CNGB1: variants seen among roughly 807,000 people sequenced by gnomAD.
CNGB1 encodes cyclic nucleotide gated channel subunit beta 1.
A neutral mutation model predicts 151.7 loss-of-function variants in CNGB1; 126 were observed. The observed-to-expected ratio is 0.83, with a 90% CI of 0.72 to 0.96. CNGB1 has a LOEUF of 0.96. CNGB1 is among the 40% of genes least tolerant of loss of function. CNGB1 has a pLI of 0.00. For synonymous variants in CNGB1, 623 were observed against 635.1 expected (o/e 0.98, Z 0.29); for missense variants, 1,698 against 1,627.0 (o/e 1.04, Z -0.75).
chr16:57,900,090 C>T (rs1308628864), intron 29 of CNGB1, among the ~76,000 whole-genome samples: 3 of 152,190 alleles, frequency 2.0e-5, no homozygotes, highest in Non-Finnish European at 4.4e-5. Context: ...CCCTCACAAC[C>T]ACCCCATGAG....
chr16:57,955,238 G>A (rs1221211762), intron 12 of CNGB1: 27 of 1,543,022 alleles, frequency 1.7e-5, no homozygotes, highest in Non-Finnish European at 2.4e-5. Flanking sequence ...ATAGGGTGGG[G>A]TGTCAGTGGC....
chr16:57,887,388 C>T (rs976362925), intron 32 of CNGB1, among the ~76,000 whole-genome samples: 1 of 152,086 alleles, frequency 6.6e-6, no homozygotes, highest in African/African-American at 2.4e-5. Flanking sequence ...AGTGCCCTGG[C>T]CACACCGAAT....
intron 16 of CNGB1, among the ~76,000 whole-genome samples, chr16:57,933,792 G>A (rs111379226): frequency 2.8e-5 from 4 of 144,414 alleles, no homozygotes; most frequent in Non-Finnish European, 3.0e-5. Context: ...GTGTGATCTC[G>A]GCTCACTGCA....
Position 57,964,471 on chromosome 16 carries a change from C to T in CNGB1, c.217+16G>A. 6.2e-7 allele frequency: 1 copy of T among 1,613,882 alleles called. No homozygotes were observed. Among genetic ancestry groups the T allele is most frequent in the Non-Finnish European group, 8.5e-7 (1 of 1,179,986 alleles). On this transcript the variant is annotated intron_variant, in intron 3 of 32. Coordinates refer to ENST00000251102, the MANE Select transcript of CNGB1 (RefSeq NM_001297.5). ...CCCCCTGCCATGCCAGCCTGGGCTTCAGCACTCGCACTCACCCTGAGGGCT... is the reference window on the plus strand; with the variant it reads ...CCCCCTGCCATGCCAGCCTGGGCTTTAGCACTCGCACTCACCCTGAGGGCT...
rs778972744 is a variant in CNGB1 at position 57,901,574 on chromosome 16, G to A, written c.2846C>T (p.Ala949Val). Residue 949 changes from alanine to valine, a missense_variant, in exon 28 of 33, where the codon GCC becomes GTC. By Grantham distance (64) the Ala-to-Val change is moderately conservative. Transcript: ENST00000251102. ...QLPDKMRLDL[A>V]IDVNYNIVSK... The stretch of plus-strand genomic sequence containing the variant: ...AACGATGTTGTAGTTCACGTCGATG[G>A]CGAGGTCCAGCCGCATCTTGTCTGG... The A allele has an allele frequency of 1.7e-5, 27 of 1,613,982 alleles. No individual in the cohort carries two copies. Among genetic ancestry groups the A allele is most frequent in the Non-Finnish European group, 2.2e-5 (26 of 1,180,038 alleles).
At chr16:57,920,246 A>C in intron 19 of CNGB1, 141 bp downstream of exon 19, 1 of 934,614 alleles carries the variant, frequency 1.1e-6, no homozygotes, top group Non-Finnish European at 1.6e-6. Flanking sequence ...TATGGATCCC[A>C]AATCCAGAGA....
chr16:57,940,691 G>T (rs906416513), intron 14 of CNGB1, among the ~76,000 whole-genome samples: 1 of 152,202 alleles, frequency 6.6e-6, no homozygotes, highest in African/African-American at 2.4e-5. Context: ...GGTTGGAGGA[G>T]CTGTCATCTG....
In CNGB1 at chr16:57,884,015, C is replaced by A. The variant is rs890225271; in HGVS notation, c.*149G>T. On this transcript the variant is annotated 3_prime_UTR_variant, in exon 33 of 33. Coordinates refer to ENST00000251102, the MANE Select transcript of CNGB1 (RefSeq NM_001297.5). ...AGTCGGGGCTGGCGTGCTGGCGGGACGGTCAGAGCTGCAGCCACTGAGGTC... is the reference window on the plus strand; with the variant it reads ...AGTCGGGGCTGGCGTGCTGGCGGGAAGGTCAGAGCTGCAGCCACTGAGGTC... 8 of 1,103,266 alleles carry A rather than the reference C, an allele frequency of 7.3e-6. No individual in the cohort carries two copies. The highest frequency in any genetic ancestry group is 9.4e-6 in the Non-Finnish European group (7 of 748,478). 68.3% of individuals were successfully genotyped at this position (1,103,266 alleles called of 1,614,324 possible). A position where few individuals can be genotyped will look rare whatever the true frequency, so the allele number is the denominator to read the frequency against.
chr16:57,930,669 TA>T (rs1273737876), intron 17 of CNGB1, among the ~76,000 whole-genome samples: 2 of 152,152 alleles, frequency 1.3e-5, no homozygotes, highest in African/African-American at 4.8e-5. Context: ...TACTCAGCCT[TA>T]AAAAAGGAAG....
intron 10 of CNGB1, 75 bp from the exon 11 acceptor site, chr16:57,958,560 C>T: frequency 7.4e-7 from 1 of 1,354,246 alleles, no homozygotes; most frequent in Non-Finnish European, 1.1e-6. Flanking sequence ...TCAGCTCGTT[C>T]CCAAGGCAGA....
At position 57,905,009 on chromosome 16, in the gene CNGB1, G is replaced by A; in HGVS notation, c.2493-134C>T. On this transcript the variant is annotated intron_variant, in intron 25 of 32. Transcript: ENST00000251102. ...AACCCTTTACAGCTCATCTATGCAA[G>A]GAAAACCACCTCCTGCACGTGTAGA... is the stretch of plus-strand genomic sequence containing the variant. 3 of 1,121,978 alleles carry A rather than the reference G, an allele frequency of 2.7e-6. 1 individual carries two copies. In the South Asian group the frequency reaches 4.0e-5, roughly 15 times the overall value. The allele number at this position is 1,121,978 out of a possible 1,614,324, so 69.5% of individuals were successfully genotyped here.
intron 16 of CNGB1, among the ~76,000 whole-genome samples, chr16:57,932,680 A>C (rs1255405070): frequency 6.7e-6 from 1 of 150,018 alleles, no homozygotes; most frequent in Non-Finnish European, 1.5e-5. Flanking sequence ...CCCAGGGTTC[A>C]TGCCATTCTC....
Position 57,962,974 on chromosome 16 carries a change from C to T in CNGB1, c.381G>A (p.Gln127=). 1 of 1,613,316 alleles carries T rather than the reference C, an allele frequency of 6.2e-7. No individual in the cohort carries two copies. The highest frequency in any genetic ancestry group is 1.3e-5 in the African/African-American group (1 of 75,050). ...CTTCAGCCTCCAGCCCCAGCAGTAC[C>T]TGAGCCGGGTCCTCCGTGATGCTGT... The part of the protein sequence containing the change: ...PVHSITEDPA[Q]ILGHGSTGDT... Residue 127 remains glutamine, a splice_region_variant and synonymous_variant, in exon 5 of 33, where the codon CAG becomes CAA. Coordinates refer to ENST00000251102, the MANE Select transcript of CNGB1 (RefSeq NM_001297.5).
chr16:57,897,373 T>C, intron 31 of CNGB1, 24 bp downstream of exon 31: 1 of 1,613,972 alleles, frequency 6.2e-7, no homozygotes, highest in Non-Finnish European at 8.5e-7. Context: ...CAATTTTTTA[T>C]TAAACGAAAG....
At chr16:57,958,507 C>T (rs1196818008) in intron 10 of CNGB1, 22 bp from the exon 11 acceptor site, 38 of 1,608,760 alleles carry the variant, frequency 2.4e-5, no homozygotes, top group Non-Finnish European at 3.0e-5. Flanking sequence ...AGAGAGTGTG[C>T]GGTGTCCAGG....
chr16:57,931,269 C>T (rs1023822006), intron 17 of CNGB1, among the ~76,000 whole-genome samples: 1 of 152,032 alleles, frequency 6.6e-6, no homozygotes, highest in Non-Finnish European at 1.5e-5. Context: ...TGTCATGCCT[C>T]AGCCTCCCGA....
At chr16:57,959,754 G>A in intron 10 of CNGB1, 134 bp downstream of exon 10, 1 of 1,137,302 alleles carries the variant, frequency 8.8e-7, no homozygotes, top group Non-Finnish European at 1.2e-6. Flanking sequence ...CGAAGCTGAT[G>A]TGGCTGCCTT....
intron 31 of CNGB1, among the ~76,000 whole-genome samples, chr16:57,895,313 G>A (rs1275376708): frequency 1.3e-5 from 2 of 151,920 alleles, no homozygotes; most frequent in Non-Finnish European, 2.9e-5. Context: ...AGGTGTGGTG[G>A]CACATGCCTG....
chr16:57,940,587 G>T (rs1961644094), intron 14 of CNGB1, among the ~76,000 whole-genome samples: 1 of 152,146 alleles, frequency 6.6e-6, no homozygotes, highest in Admixed American at 6.5e-5. Flanking sequence ...TGTAAGCTGA[G>T]CCTCCAGGAT....
Sources: allele counts gnomAD v4.1 joint callset (sites outside exome capture counted in the v4.1 genomes callset), GRCh38; gene constraint gnomAD v4.1.1; transcripts MANE v1.5; gene names NCBI Gene and HGNC (gene_info 2026-07-23, HGNC 2026-07-21).